CYP2C19: variants seen among roughly 807,000 people sequenced by gnomAD.
CYP2C19 encodes cytochrome P450 family 2 subfamily C member 19, also known as cytochrome P450 2C19.
CYP2C19 carries 59 observed loss-of-function variants against 40.9 expected under a neutral mutation model. The observed-to-expected ratio is 1.44, with a 90% CI of 1.17 to 1.79. The LOEUF (loss-of-function observed/expected upper bound fraction) is 1.79, where lower values mean the gene tolerates loss of function less well. Ranked by LOEUF, CYP2C19 falls within the 40% of genes most tolerant of loss-of-function variation. The pLI, the probability that CYP2C19 is intolerant of heterozygous loss-of-function variation, is 0.00. For missense variants in CYP2C19, 754 were observed against 596.9 expected, an observed-to-expected ratio of 1.26 and a Z score of -2.74; for synonymous variants, 253 against 208.7, an observed-to-expected ratio of 1.21 and a Z score of -1.83.
intron 5 of CYP2C19, among the ~76,000 whole-genome samples, chr10:94,806,464 C>T (rs1172518009): frequency 6.6e-6 from 1 of 151,904 alleles, no homozygotes; most frequent in Non-Finnish European, 1.5e-5. Flanking sequence ...TTCTAATTCT[C>T]GAACGTCTTA....
At position 94,764,456 on chromosome 10, in the gene CYP2C19, C is replaced by G. The variant is rs144798113; in HGVS notation, c.168+1583C>G. Among the ~76,000 whole-genome samples the G allele has an allele frequency of 1.6e-3, 240 of 152,282 alleles. 1 individual carries two copies. Among genetic ancestry groups the G allele is most frequent in the Non-Finnish European group, 2.7e-3 (187 of 68,018 alleles). ...GAGCACTGATTGGTGTGTTTACAATCCTTTAGCTAGACAGAAAAGTTCTCC... is the reference window on the plus strand; with the variant it reads ...GAGCACTGATTGGTGTGTTTACAATGCTTTAGCTAGACAGAAAAGTTCTCC... On this transcript the variant is annotated intron_variant, in intron 1 of 8. Transcript: ENST00000371321.
At chr10:94,815,629 C>A (rs1388411461) in intron 5 of CYP2C19, among the ~76,000 whole-genome samples, 1 of 152,196 alleles carries the variant, frequency 6.6e-6, no homozygotes, top group Non-Finnish European at 1.5e-5. Context: ...TCCTTATTCT[C>A]CATCTTCATC....
At chr10:94,835,024 A>G (rs1849381409) in intron 6 of CYP2C19, among the ~76,000 whole-genome samples, 1 of 152,154 alleles carries the variant, frequency 6.6e-6, no homozygotes, top group African/African-American at 2.4e-5. Flanking sequence ...GGTGCCTTCA[A>G]TGTCATTAAC....
chr10:94,807,765 A>C (rs1021328961), intron 5 of CYP2C19, among the ~76,000 whole-genome samples: 6 of 151,854 alleles, frequency 4.0e-5, no homozygotes, highest in African/African-American at 1.5e-4. Flanking sequence ...GAATTGTTTG[A>C]GTTACTTGTA....
intron 6 of CYP2C19, among the ~76,000 whole-genome samples, chr10:94,824,555 T>A (rs904604669): frequency 6.6e-6 from 1 of 152,218 alleles, no homozygotes. Context: ...TTAGCATAAC[T>A]TAATGTTTAA....
chr10:94,792,979 T>C (rs1286555463), intron 5 of CYP2C19, among the ~76,000 whole-genome samples: 1 of 152,146 alleles, frequency 6.6e-6, no homozygotes, highest in Non-Finnish European at 1.5e-5. Context: ...TCCCCATCAC[T>C]TTCAGGTACA....
Position 94,854,481 on chromosome 10 carries a change from A to T in CYP2C19, c.*1567A>T, listed in dbSNP as rs1849703306. Among the ~76,000 whole-genome samples, 1 of 151,982 alleles carries T rather than the reference A, an allele frequency of 6.6e-6. No homozygotes were observed. Among genetic ancestry groups the T allele is most frequent in the South Asian group, 2.1e-4 (1 of 4,828 alleles). The stretch of plus-strand genomic sequence containing the variant: ...TAGACAACTAAGTATCTTATGTTAA[A>T]TTATGTTCACCACTCTTCCTGTCTT... On this transcript the variant is annotated 3_prime_UTR_variant, in exon 9 of 9. Transcript: ENST00000371321.
intron 5 of CYP2C19, among the ~76,000 whole-genome samples, chr10:94,786,987 A>C (rs1025665886): frequency 6.6e-5 from 10 of 152,054 alleles, no homozygotes; most frequent in Non-Finnish European, 5.9e-5. Flanking sequence ...TTGGTATAAC[A>C]ATTTGTTTTC....
chr10:94,808,088 A>T (rs909234930), intron 5 of CYP2C19, among the ~76,000 whole-genome samples: 7 of 152,050 alleles, frequency 4.6e-5, no homozygotes, highest in African/African-American at 1.7e-4. Context: ...CTGCATATAA[A>T]CATCCAGTTT....
In CYP2C19 at chr10:94,853,517, A is replaced by G. The variant is rs756353216; in HGVS notation, c.*603A>G. Among the ~76,000 whole-genome samples the G allele has an allele frequency of 6.7e-6, 1 of 150,356 alleles. No individual in the cohort carries two copies. Among genetic ancestry groups the G allele is most frequent in the Non-Finnish European group, 1.5e-5 (1 of 67,834 alleles). ...TTCAGAGGATCAGGTATTGGGAGGA[A>G]TGGATATTAAATGTTCCACATTGGT... On this transcript the variant is annotated 3_prime_UTR_variant, in exon 9 of 9. Transcript: ENST00000371321.
rs1348813064 is a variant in CYP2C19 at position 94,855,178 on chromosome 10, T to C, written c.*2264T>C. 6.6e-6 allele frequency among the ~76,000 whole-genome samples: 1 copy of C among 152,204 alleles called. No homozygotes were observed. Among genetic ancestry groups the C allele is most frequent in the Non-Finnish European group, 1.5e-5 (1 of 68,026 alleles). Reference sequence around the variant, plus strand: ...TACTACTCTTATTCTCTCTCCCTTATGTAAAGACCCTTGTGATTACATGAA... The same window carrying C: ...TACTACTCTTATTCTCTCTCCCTTACGTAAAGACCCTTGTGATTACATGAA... On this transcript the variant is annotated 3_prime_UTR_variant, in exon 9 of 9. Coordinates refer to ENST00000371321, the MANE Select transcript of CYP2C19 (RefSeq NM_000769.4).
intron 6 of CYP2C19, among the ~76,000 whole-genome samples, chr10:94,829,549 CCTT>C (rs1335190284): frequency 6.6e-6 from 1 of 152,114 alleles, no homozygotes; most frequent in African/African-American, 2.4e-5. Context: ...TCTAGTTATA[CCTT>C]CTTCTAAATT....
Position 94,853,616 on chromosome 10 carries a change from G to A in CYP2C19, c.*702G>A, listed in dbSNP as rs949122002. 1.9e-4 allele frequency among the ~76,000 whole-genome samples: 28 copies of A among 150,650 alleles called. No homozygotes were observed. Among genetic ancestry groups the A allele is most frequent in the African/African-American group, 5.6e-4 (23 of 40,990 alleles). On this transcript the variant is annotated 3_prime_UTR_variant, in exon 9 of 9. Coordinates refer to ENST00000371321, the MANE Select transcript of CYP2C19 (RefSeq NM_000769.4). ...GCTGGAGTGCAGTGGTGCAATCTCG[G>A]CTCACTGTAACCTTCGCCTCCCAGG...
rs577918572 is a variant in CYP2C19, at chr10:94,823,036, A to G, written c.961+2399A>G. On this transcript the variant is annotated intron_variant, in intron 6 of 8. Coordinates refer to ENST00000371321, the MANE Select transcript of CYP2C19 (RefSeq NM_000769.4). ...GCAATAGTCAATAAAGCTTTAACAA[A>G]TTTCTAAAACACAGAGAGCAAATGG... Among the ~76,000 whole-genome samples, 21 of 152,324 alleles carry G rather than the reference A, an allele frequency of 1.4e-4. No individual in the cohort carries two copies. The South Asian group carries it at 4.1e-3, about 30-fold the overall frequency.
intron 8 of CYP2C19, 104 bp from the exon 9 acceptor site, chr10:94,852,629 G>A (rs552671263): frequency 9.6e-5 from 121 of 1,263,028 alleles, no homozygotes; most frequent in South Asian, 1.9e-4. Context: ...ATGATTCACC[G>A]AACAGTTCTT....
At chr10:94,796,937 A>G (rs1024532134) in intron 5 of CYP2C19, among the ~76,000 whole-genome samples, 2 of 152,108 alleles carry the variant, frequency 1.3e-5, no homozygotes, top group Non-Finnish European at 1.5e-5. Context: ...TCATCTGCAA[A>G]CAGGGACAAT....
At chr10:94,768,829 C>T (rs1007002305) in intron 1 of CYP2C19, among the ~76,000 whole-genome samples, 8 of 152,038 alleles carry the variant, frequency 5.3e-5, no homozygotes, top group Admixed American at 2.6e-4. Context: ...GAGTTTTGTC[C>T]TGTGGGAAGG....
intron 5 of CYP2C19, among the ~76,000 whole-genome samples, chr10:94,798,808 C>A (rs1247377141): frequency 5.0e-5 from 7 of 140,884 alleles, no homozygotes; most frequent in Non-Finnish European, 1.1e-4. Flanking sequence ...AGGATTGCAA[C>A]CCCTGATTTT....
At chr10:94,782,664 T>G (rs1848494610) in intron 5 of CYP2C19, among the ~76,000 whole-genome samples, 1 of 152,142 alleles carries the variant, frequency 6.6e-6, no homozygotes, top group South Asian at 2.1e-4. Flanking sequence ...TGTACACATT[T>G]GTTTATTGTG....
Sources: allele counts gnomAD v4.1 joint callset (sites outside exome capture counted in the v4.1 genomes callset), GRCh38; gene constraint gnomAD v4.1.1; transcripts MANE v1.5; gene names NCBI Gene and HGNC (gene_info 2026-07-23, HGNC 2026-07-21).